SHISA9: variants seen among roughly 807,000 people sequenced by gnomAD.
SHISA9 encodes the protein protein shisa-9.
SHISA9 carries 13 observed loss-of-function variants against 38.0 expected under a neutral mutation model. The observed-to-expected ratio is 0.34, with a 90% CI of 0.22 to 0.54. SHISA9 has a LOEUF of 0.54. SHISA9 is among the 20% of genes least tolerant of loss of function. The pLI is 0.91. For missense variants in SHISA9, 538 were observed against 575.8 expected, an observed-to-expected ratio of 0.93 and a Z score of 0.67; for synonymous variants, 275 against 242.0, an observed-to-expected ratio of 1.14 and a Z score of -1.27.
chr16:13,275,721 G>C, the SHISA9 span, among the ~76,000 whole-genome samples: 1 of 151,610 alleles, frequency 6.6e-6, no homozygotes, highest in African/African-American at 2.4e-5. Context: ...TTTTCATCTT[G>C]TTTGTGAAAA....
the SHISA9 span, among the ~76,000 whole-genome samples, chr16:13,464,231 T>G: frequency 4.6e-5 from 7 of 152,198 alleles, no homozygotes; most frequent in Non-Finnish European, 5.9e-5. Context: ...TAATTAAGGG[T>G]AGCTCTAAAG....
chr16:13,257,738 A>G, the SHISA9 span, among the ~76,000 whole-genome samples: 63 of 152,078 alleles, frequency 4.1e-4, no homozygotes, highest in African/African-American at 1.5e-3. Flanking sequence ...CCTTAACATG[A>G]CTTTTAGAGT....
the SHISA9 span, among the ~76,000 whole-genome samples, chr16:13,370,236 G>C: frequency 1.1e-4 from 17 of 152,292 alleles, no homozygotes; most frequent in Admixed American, 5.2e-4. Context: ...TGCAAACACA[G>C]GTTGCCTTAC....
the SHISA9 span, among the ~76,000 whole-genome samples, chr16:13,533,547 C>G: frequency 6.6e-6 from 1 of 152,122 alleles, no homozygotes; most frequent in Admixed American, 6.6e-5. Flanking sequence ...GTATAAGGAC[C>G]TCTTCATCAC....
the SHISA9 span, among the ~76,000 whole-genome samples, chr16:13,299,053 G>T: frequency 3.3e-5 from 5 of 152,170 alleles, no homozygotes; most frequent in Non-Finnish European, 7.4e-5. Context: ...CTTGTAAGGG[G>T]CCTACAGAAG....
chr16:12,991,988 G>C (rs1007959171), intron 2 of SHISA9, among the ~76,000 whole-genome samples: 2 of 152,154 alleles, frequency 1.3e-5, no homozygotes, highest in Non-Finnish European at 2.9e-5. Flanking sequence ...ACTTGCCTCA[G>C]TGTCTAGAAG....
the SHISA9 span, among the ~76,000 whole-genome samples, chr16:13,447,755 A>T: frequency 6.6e-6 from 1 of 152,240 alleles, no homozygotes; most frequent in African/African-American, 2.4e-5. Flanking sequence ...CTGCATACAC[A>T]CAAAAAACTC....
chr16:13,113,404 C>CCT (rs1204395152), intron 2 of SHISA9, among the ~76,000 whole-genome samples: 1 of 152,034 alleles, frequency 6.6e-6, no homozygotes, highest in African/African-American at 2.4e-5. Flanking sequence ...TTAGAGAGAT[C>CCT]ACGTATTCCA....
intron 2 of SHISA9, among the ~76,000 whole-genome samples, chr16:12,996,116 G>C (rs1344707852): frequency 2.6e-5 from 4 of 152,218 alleles, no homozygotes; most frequent in East Asian, 1.9e-4. Flanking sequence ...CAAAAGCTCA[G>C]ATGCTTTTTG....
chr16:13,308,226 A>G, the SHISA9 span, among the ~76,000 whole-genome samples: 9 of 108,842 alleles, frequency 8.3e-5, no homozygotes, highest in African/African-American at 3.7e-4. Flanking sequence ...TTTTTTTTTT[A>G]TGTTCATCAA....
the SHISA9 span, among the ~76,000 whole-genome samples, chr16:13,357,337 G>A: frequency 6.6e-6 from 1 of 152,210 alleles, no homozygotes; most frequent in Non-Finnish European, 1.5e-5. Context: ...AGAGAAGGGA[G>A]AGATTGAAGT....
chr16:13,059,060 C>T (rs181210058), intron 2 of SHISA9, among the ~76,000 whole-genome samples: 256 of 151,776 alleles, frequency 1.7e-3, no homozygotes, highest in African/African-American at 6.0e-3. Context: ...AAGCCTTGGC[C>T]CCCAGTACCT....
chr16:13,466,916 A>T, the SHISA9 span, among the ~76,000 whole-genome samples: 1 of 152,164 alleles, frequency 6.6e-6, no homozygotes, highest in African/African-American at 2.4e-5. Flanking sequence ...TCACTCAAGA[A>T]CTTTACCTCC....
the SHISA9 span, among the ~76,000 whole-genome samples, chr16:13,498,437 A>G: frequency 6.6e-6 from 1 of 152,324 alleles, no homozygotes; most frequent in East Asian, 1.9e-4. Context: ...CCTTTACACA[A>G]TAATTCTTCC....
the SHISA9 span, among the ~76,000 whole-genome samples, chr16:13,346,928 T>G: frequency 6.6e-6 from 1 of 152,218 alleles, no homozygotes; most frequent in Non-Finnish European, 1.5e-5. Flanking sequence ...AATCCCAACC[T>G]GTTTCCTACT....
At chr16:12,950,120 A>G (rs950269956) in intron 2 of SHISA9, among the ~76,000 whole-genome samples, 7 of 152,118 alleles carry the variant, frequency 4.6e-5, no homozygotes, top group African/African-American at 1.7e-4. Flanking sequence ...ACGTGCAATA[A>G]TTTGTCTTTC....
intron 2 of SHISA9, among the ~76,000 whole-genome samples, chr16:13,193,782 G>T (rs2050910506): frequency 6.6e-6 from 1 of 152,226 alleles, no homozygotes; most frequent in Admixed American, 6.5e-5. Context: ...CCCCATAGTG[G>T]CAGGTTCTGT....
intron 2 of SHISA9, among the ~76,000 whole-genome samples, chr16:13,150,860 A>G (rs2050493041): frequency 6.6e-6 from 1 of 152,234 alleles, no homozygotes; most frequent in African/African-American, 2.4e-5. Flanking sequence ...AATCAAAACC[A>G]CAATGTAACG....
At chr16:13,524,105 G>T in the SHISA9 span, among the ~76,000 whole-genome samples, 1 of 152,102 alleles carries the variant, frequency 6.6e-6, no homozygotes, top group Non-Finnish European at 1.5e-5. Flanking sequence ...TGACCATTAT[G>T]CTATACTGCC....
Sources: allele counts gnomAD v4.1 joint callset (sites outside exome capture counted in the v4.1 genomes callset), GRCh38; gene constraint gnomAD v4.1.1; transcripts MANE v1.5; gene names NCBI Gene and HGNC (gene_info 2026-07-23, HGNC 2026-07-21).